Variants in KIFBP observed in about 807,000 individuals in gnomAD.
KIFBP encodes KIF-binding protein.
A neutral mutation model predicts 58.9 loss-of-function variants in KIFBP; 46 were observed. The observed-to-expected ratio is 0.78, with a 90% CI of 0.62 to 1.00. KIFBP has a LOEUF of 1.00. Ranked by LOEUF, KIFBP falls within the 50% of genes least tolerant of loss-of-function variation. KIFBP has a pLI of 0.00. For synonymous variants in KIFBP, 241 were observed against 283.4 expected (o/e 0.85, Z 1.50); for missense variants, 651 against 752.9 (o/e 0.86, Z 1.58).
At chr10:68,991,418 C>A in intron 1 of KIFBP, 2 of 348,430 alleles carry the variant, frequency 5.7e-6, no homozygotes, top group South Asian at 5.5e-5. Flanking sequence ...TATTTCTTTC[C>A]TACAAAAAAG....
In KIFBP at chr10:69,005,070, AC is replaced by A. The variant is rs781294391; in HGVS notation, c.551del (p.Thr184MetfsTer31). ...GGTTGGGAGTCCTCCTCTTGATCCT[AC>A]TGAGCGTTTTCTTCCTGAAGAAGAG... ...KEVGSPPLDP[T>X]ERFLPEEEKL... is the part of the protein sequence containing the mutation. On this transcript the variant is annotated frameshift_variant, in exon 3 of 7. Coordinates refer to ENST00000361983, the MANE Select transcript of KIFBP (RefSeq NM_015634.4). LOFTEE classifies it high-confidence loss of function. 1 of 1,613,654 alleles carries A rather than the reference AC, an allele frequency of 6.2e-7. No individual in the cohort carries two copies. The highest frequency in any genetic ancestry group is 1.7e-5 in the Admixed American group (1 of 60,020).
chr10:68,989,317 G>A, intron 1 of KIFBP, 59 bp downstream of exon 1: 1 of 1,581,900 alleles, frequency 6.3e-7, no homozygotes, highest in East Asian at 2.3e-5. Flanking sequence ...ATGGGGAGGA[G>A]CCCCTGCCAA....
At chr10:69,005,240 C>T (rs1465895063) in intron 3 of KIFBP, 115 bp downstream of exon 3, 2 of 758,584 alleles carry the variant, frequency 2.6e-6, no homozygotes, top group East Asian at 2.6e-5. Flanking sequence ...GGAGTAAAAC[C>T]TCCATTTACC....
At chr10:68,996,611 G>T (rs1422175445) in intron 1 of KIFBP, among the ~76,000 whole-genome samples, 4 of 151,676 alleles carry the variant, frequency 2.6e-5, no homozygotes, top group Non-Finnish European at 5.9e-5. Flanking sequence ...CCAGCACTTT[G>T]GGAGGCTGAG....
intron 2 of KIFBP, among the ~76,000 whole-genome samples, chr10:69,003,302 T>C (rs559945998): frequency 2.0e-4 from 30 of 152,320 alleles, no homozygotes; most frequent in African/African-American, 7.2e-4. Context: ...CTCGGAATTG[T>C]TGAAGAGTTC....
chr10:69,000,738 C>A (rs1219879961), intron 2 of KIFBP, among the ~76,000 whole-genome samples: 1 of 152,178 alleles, frequency 6.6e-6, no homozygotes, highest in Non-Finnish European at 1.5e-5. Flanking sequence ...TAATGGCCAC[C>A]TAGTCTAAAT....
At chr10:69,006,781 T>G (rs1299936049) in intron 4 of KIFBP, 1 of 152,240 alleles carries the variant, frequency 6.6e-6, no homozygotes, top group Admixed American at 6.5e-5. Flanking sequence ...TTATCCTTTT[T>G]GAGCATTTCG....
chr10:69,015,547 A>G lies in KIFBP; in HGVS notation c.997A>G (p.Ile333Val), dbSNP rs1181204651. The G allele has an allele frequency of 2.5e-6, 4 of 1,613,654 alleles. No individual in the cohort carries two copies. The highest frequency in any genetic ancestry group is 4.5e-5 in the East Asian group (2 of 44,872). The change falls in exon 7 of 7, where the codon ATA (isoleucine) becomes GTA (valine). Residue 333 changes from isoleucine (I) to valine (V), a missense_variant. Physicochemically the swap from Ile to Val is conservative, Grantham distance 29. Transcript: ENST00000361983. The stretch of plus-strand genomic sequence containing the variant: ...TTATTTTTTTTTCCTTCAGGACAAC[A>G]TAGGAGAGCTTGATCTTGATAAACA... The part of the protein sequence containing the change: ...QNAQLSMQDN[I>V]GELDLDKQSE...
intron 1 of KIFBP, chr10:68,991,532 C>A: frequency 2.3e-6 from 1 of 437,378 alleles, no homozygotes; most frequent in Non-Finnish European, 4.8e-6. Context: ...GGTCCAGAAG[C>A]ACTTGACAAA....
At chr10:69,007,077 G>A (rs1404215176) in intron 4 of KIFBP, 9 of 152,002 alleles carry the variant, frequency 5.9e-5, no homozygotes, top group Admixed American at 4.6e-4. Flanking sequence ...ATTCTGTTTA[G>A]CAACTTTAAA....
In KIFBP at chr10:69,005,755, A is replaced by G. The variant is rs1843528648; in HGVS notation, c.629A>G (p.Asn210Ser). 3 of 1,612,126 alleles carry G rather than the reference A, an allele frequency of 1.9e-6. No individual in the cohort carries two copies. In the East Asian group the frequency reaches 6.7e-5, roughly 36 times the overall value. ...AGATTTGAAAAGGTTTATACTCATA[A>G]CCTATATTACCTAGCTCAAGTCTAC... Reference protein sequence around the residue: ...SKRFEKVYTHNLYYLAQVYQH... With the variant: ...SKRFEKVYTHSLYYLAQVYQH... Residue 210 changes from asparagine (N) to serine (S), a missense_variant, in exon 4 of 7, where the codon AAC becomes AGC. Transcript: ENST00000361983.
At chr10:69,005,688 CA>C in intron 3 of KIFBP, 43 bp from the exon 4 acceptor site, 3 of 1,291,762 alleles carry the variant, frequency 2.3e-6, no homozygotes, top group Non-Finnish European at 3.3e-6. Context: ...AAAAAAAAAA[CA>C]AGTAAACCAT....
At chr10:68,990,355 C>G (rs564994010) in intron 1 of KIFBP, among the ~76,000 whole-genome samples, 1 of 152,144 alleles carries the variant, frequency 6.6e-6, no homozygotes, top group South Asian at 2.1e-4. Flanking sequence ...CAAAGTGAGA[C>G]TCTGTCTCTT....
In KIFBP at chr10:68,989,229, G is replaced by T. The variant is rs1843314209; in HGVS notation, c.397G>T (p.Asp133Tyr). 1.2e-6 allele frequency: 2 copies of T among 1,613,552 alleles called. No homozygotes were observed. Among genetic ancestry groups the T allele is most frequent in the Non-Finnish European group, 1.7e-6 (2 of 1,179,958 alleles). The change falls in exon 1 of 7, where the codon GAC becomes TAC. Residue 133 changes from aspartate (D) to tyrosine (Y), a missense_variant. By Grantham distance (160) the Asp-to-Tyr change is radical. Transcript: ENST00000361983. ...RLLRRYRLSH[D>Y]CISLCIQAQN... ...GCTGCGCAGGTACCGGCTCTCGCAC[G>T]ACTGCATCTCTCTCTGCATCCAGGC...
At position 69,016,575 on chromosome 10, in the gene KIFBP, AT is replaced by A; in HGVS notation, c.*160del. 1 of 671,200 alleles carries A rather than the reference AT, an allele frequency of 1.5e-6. No homozygotes were observed. The highest frequency in any genetic ancestry group is 2.9e-5 in the Admixed American group (1 of 34,330). 41.6% of individuals were successfully genotyped at this position (671,200 alleles called of 1,614,324 possible). A position where few individuals can be genotyped will look rare whatever the true frequency, so the allele number is the denominator to read the frequency against. Reference sequence around the variant, plus strand: ...AGTGTTTGCTAGGATCCTAAGGAACATAAAGTTAATTAAAAACTTACACCTA... The same window carrying A: ...AGTGTTTGCTAGGATCCTAAGGAACAAAAGTTAATTAAAAACTTACACCTA... On this transcript the variant is annotated 3_prime_UTR_variant, in exon 7 of 7. Transcript: ENST00000361983.
chr10:69,013,868 G>T (rs542821554), intron 6 of KIFBP, among the ~76,000 whole-genome samples: 18 of 152,246 alleles, frequency 1.2e-4, no homozygotes, highest in South Asian at 6.2e-4. Context: ...TCCTACATCA[G>T]CCTGCCAAGT....
At chr10:69,004,728 G>A (rs1263994597) in intron 2 of KIFBP, among the ~76,000 whole-genome samples, 2 of 152,090 alleles carry the variant, frequency 1.3e-5, no homozygotes, top group Admixed American at 1.3e-4. Flanking sequence ...GCCAGGACTG[G>A]TGGTGCACAC....
At chr10:69,010,437 G>A (rs1328666326) in intron 5 of KIFBP, among the ~76,000 whole-genome samples, 2 of 152,148 alleles carry the variant, frequency 1.3e-5, no homozygotes, top group African/African-American at 4.8e-5. Context: ...GTAGATTACA[G>A]CAAGAAAGCT....
At position 69,016,662 on chromosome 10, in the gene KIFBP, A is replaced by T; in HGVS notation, c.*246A>T. 2.1e-6 allele frequency: 1 copy of T among 475,056 alleles called. No individual in the cohort carries two copies. Among genetic ancestry groups the T allele is most frequent in the Non-Finnish European group, 3.8e-6 (1 of 265,850 alleles). 29.4% of individuals were successfully genotyped at this position (475,056 alleles called of 1,614,324 possible). On this transcript the variant is annotated 3_prime_UTR_variant, in exon 7 of 7. Transcript: ENST00000361983. ...GTATTTTAGATGCTTGTTTCCTATTAAAATACAGACATTTCTACCCTCAGT... is the reference window on the plus strand; with the variant it reads ...GTATTTTAGATGCTTGTTTCCTATTTAAATACAGACATTTCTACCCTCAGT...
Sources: allele counts gnomAD v4.1 joint callset (sites outside exome capture counted in the v4.1 genomes callset), GRCh38; gene constraint gnomAD v4.1.1; transcripts MANE v1.5; gene names NCBI Gene and HGNC (gene_info 2026-07-23, HGNC 2026-07-21).